SNTB1: variants seen among roughly 807,000 people sequenced by gnomAD.
The protein encoded by SNTB1 is syntrophin beta 1, also known as beta-1-syntrophin.
SNTB1 carries 36 observed loss-of-function variants against 48.9 expected under a neutral mutation model. The ratio of observed to expected loss-of-function variants is 0.74; its 90% CI spans 0.56 to 0.97. SNTB1 has a LOEUF of 0.97. Ranked by LOEUF, SNTB1 falls within the 50% of genes least tolerant of loss-of-function variation. SNTB1 has a pLI of 0.00. For synonymous variants in SNTB1, 299 were observed against 294.6 expected (o/e 1.01, Z -0.15); for missense variants, 786 against 703.4 (o/e 1.12, Z -1.33).
intron 3 of SNTB1, among the ~76,000 whole-genome samples, chr8:120,595,889 T>C (rs113309727): frequency 4.6e-5 from 7 of 152,312 alleles, no homozygotes; most frequent in African/African-American, 1.7e-4. Context: ...GCTTTCACTT[T>C]ACTCTATGGA....
intron 2 of SNTB1, among the ~76,000 whole-genome samples, chr8:120,638,960 C>T (rs1245983121): frequency 7.2e-5 from 11 of 152,230 alleles, no homozygotes; most frequent in African/African-American, 1.4e-4. Flanking sequence ...CTTGAGGAAT[C>T]GCCACACTGT....
chr8:120,572,599 C>T (rs1243539147), intron 4 of SNTB1, among the ~76,000 whole-genome samples: 2 of 152,084 alleles, frequency 1.3e-5, no homozygotes, highest in African/African-American at 4.8e-5. Flanking sequence ...AAAACTATTT[C>T]AGGCCAGGTG....
intron 1 of SNTB1, among the ~76,000 whole-genome samples, chr8:120,703,297 G>A (rs11986017): frequency 0.093 from 14,197 of 152,162 alleles, 638 homozygotes; most frequent in Admixed American, 0.11. Flanking sequence ...GCTGATTTTT[G>A]TATTTTTAGT....
intron 4 of SNTB1, among the ~76,000 whole-genome samples, chr8:120,557,409 A>C (rs1815582786): frequency 6.6e-6 from 1 of 152,186 alleles, no homozygotes; most frequent in South Asian, 2.1e-4. Context: ...CCCTTCCAGC[A>C]AGTCTGAGGT....
intron 3 of SNTB1, among the ~76,000 whole-genome samples, chr8:120,591,916 T>C (rs1027566894): frequency 6.6e-6 from 1 of 152,232 alleles, no homozygotes; most frequent in African/African-American, 2.4e-5. Context: ...AAGATGATGA[T>C]GATGATGATA....
At chr8:120,785,504 A>C (rs772846024) in intron 1 of SNTB1, among the ~76,000 whole-genome samples, 2 of 152,194 alleles carry the variant, frequency 1.3e-5, no homozygotes, top group Non-Finnish European at 2.9e-5. Context: ...CAGTGGAGGC[A>C]GCTGTGCTCC....
intron 3 of SNTB1, among the ~76,000 whole-genome samples, chr8:120,603,628 A>G (rs1816461338): frequency 6.6e-6 from 1 of 152,150 alleles, no homozygotes; most frequent in African/African-American, 2.4e-5. Flanking sequence ...CAAGTCCTCC[A>G]GGCAATTCTG....
chr8:120,731,083 T>C (rs1818841779), intron 1 of SNTB1, among the ~76,000 whole-genome samples: 1 of 152,086 alleles, frequency 6.6e-6, no homozygotes, highest in African/African-American at 2.4e-5. Context: ...ATAGCACCAC[T>C]GCACTCCAGC....
intron 1 of SNTB1, among the ~76,000 whole-genome samples, chr8:120,706,790 T>G (rs776340466): frequency 1.3e-5 from 2 of 152,164 alleles, no homozygotes; most frequent in Non-Finnish European, 2.9e-5. Flanking sequence ...AGGTGTAGCT[T>G]CATAATAACA....
chr8:120,581,734 T>C (rs1816053841), intron 3 of SNTB1, among the ~76,000 whole-genome samples: 1 of 152,220 alleles, frequency 6.6e-6, no homozygotes, highest in Non-Finnish European at 1.5e-5. Context: ...AAAGAGCGTG[T>C]CATTTTAATT....
intron 1 of SNTB1, among the ~76,000 whole-genome samples, chr8:120,722,822 C>T (rs541599297): frequency 6.6e-6 from 1 of 152,092 alleles, no homozygotes; most frequent in Non-Finnish European, 1.5e-5. Context: ...TTGCCCATGC[C>T]TATGTCCTGA....
At chr8:120,706,365 G>A (rs2129904908) in intron 1 of SNTB1, among the ~76,000 whole-genome samples, 2 of 152,192 alleles carry the variant, frequency 1.3e-5, no homozygotes, top group Admixed American at 1.3e-4. Context: ...TACTGCTTCT[G>A]AGAATTTTAT....
intron 3 of SNTB1, among the ~76,000 whole-genome samples, chr8:120,586,766 G>A (rs140875822): frequency 6.6e-5 from 10 of 152,110 alleles, no homozygotes; most frequent in Admixed American, 2.6e-4. Flanking sequence ...GAAAAATAAC[G>A]TATGGAGCGA....
intron 2 of SNTB1, among the ~76,000 whole-genome samples, chr8:120,661,084 C>G (rs1181452405): frequency 6.6e-6 from 1 of 151,850 alleles, no homozygotes; most frequent in Non-Finnish European, 1.5e-5. Flanking sequence ...GTATGAATTA[C>G]TGTGAGAATT....
intron 3 of SNTB1, among the ~76,000 whole-genome samples, chr8:120,609,241 G>A (rs1587028086): frequency 6.6e-6 from 1 of 152,186 alleles, no homozygotes; most frequent in African/African-American, 2.4e-5. Context: ...TTAAAAACTA[G>A]ACAAGCCAAA....
chr8:120,656,451 A>T (rs1817505024), intron 2 of SNTB1, among the ~76,000 whole-genome samples: 1 of 152,214 alleles, frequency 6.6e-6, no homozygotes, highest in South Asian at 2.1e-4. Flanking sequence ...TTAGATGAAA[A>T]GTCAGCTAAT....
chr8:120,741,297 A>G (rs984731993), intron 1 of SNTB1, among the ~76,000 whole-genome samples: 2 of 152,210 alleles, frequency 1.3e-5, no homozygotes, highest in Non-Finnish European at 2.9e-5. Flanking sequence ...TCAGACTCAG[A>G]TACATGTGGT....
chr8:120,778,816 A>C (rs1819782472), intron 1 of SNTB1, among the ~76,000 whole-genome samples: 9 of 152,252 alleles, frequency 5.9e-5, no homozygotes, highest in Admixed American at 5.9e-4. Context: ...CAATTGATTG[A>C]GACTGGAATA....
chr8:120,660,495 G>T (rs774365292), intron 2 of SNTB1, among the ~76,000 whole-genome samples: 25 of 152,192 alleles, frequency 1.6e-4, no homozygotes, highest in African/African-American at 6.0e-4. Context: ...GACAGTTAGG[G>T]CCTTGCTCTG....
Sources: gnomAD v4.1 joint callset for allele counts (sites outside exome capture counted in the v4.1 genomes callset) on GRCh38, gnomAD v4.1.1 for gene constraint, MANE v1.5 for transcripts, NCBI Gene and HGNC (gene_info 2026-07-23, HGNC 2026-07-21) for gene names.